HHAT: variants seen among roughly 807,000 people sequenced by gnomAD.
HHAT encodes hedgehog acyltransferase, also known as protein-cysteine N-palmitoyltransferase HHAT.
HHAT carries 47 observed loss-of-function variants against 70.8 expected under a neutral mutation model. That is an observed-to-expected ratio of 0.66 (90% CI 0.53 to 0.85). The LOEUF is 0.85. Ranked by LOEUF, HHAT falls within the 40% of genes least tolerant of loss-of-function variation. The pLI is 0.00. For synonymous variants in HHAT, 228 were observed against 247.6 expected (o/e 0.92, Z 0.74); for missense variants, 609 against 604.8 (o/e 1.01, Z -0.07).
intron 3 of HHAT, among the ~76,000 whole-genome samples, chr1:210,385,280 G>GTATTAA (rs2090963531): frequency 9.1e-6 from 1 of 109,632 alleles, no homozygotes; most frequent in African/African-American, 3.6e-5. Flanking sequence ...TTTTGAGTTT[G>GTATTAA]TATTAAAAAA....
At chr1:210,655,644 C>T (rs559854619) in intron 11 of HHAT, among the ~76,000 whole-genome samples, 3 of 152,184 alleles carry the variant, frequency 2.0e-5, no homozygotes, top group Non-Finnish European at 2.9e-5. Context: ...CTGTAAGGCA[C>T]AAAAACGTCT....
chr1:210,475,067 C>T (rs561160940), intron 8 of HHAT, among the ~76,000 whole-genome samples: 113 of 151,786 alleles, frequency 7.4e-4, no homozygotes, highest in Middle Eastern at 3.4e-3. Context: ...CGCTATGCTG[C>T]CCACACTGGT....
chr1:210,509,552 G>C (rs973528998), intron 8 of HHAT, among the ~76,000 whole-genome samples: 4 of 152,150 alleles, frequency 2.6e-5, no homozygotes, highest in Admixed American at 6.5e-5. Context: ...TTCTTCCTCT[G>C]TGGTGCAGAT....
At chr1:210,455,329 TCA>T (rs887017247) in intron 7 of HHAT, among the ~76,000 whole-genome samples, 1 of 152,240 alleles carries the variant, frequency 6.6e-6, no homozygotes, top group Non-Finnish European at 1.5e-5. Context: ...CTGGAGTTGC[TCA>T]CCACAACACA....
chr1:210,420,772 T>C (rs1222083250), intron 7 of HHAT, among the ~76,000 whole-genome samples: 1 of 152,148 alleles, frequency 6.6e-6, no homozygotes, highest in African/African-American at 2.4e-5. Flanking sequence ...AGCCATACTT[T>C]ACCTTGAACC....
chr1:210,544,342 T>C (rs1289304802), intron 9 of HHAT, among the ~76,000 whole-genome samples: 1 of 151,374 alleles, frequency 6.6e-6, no homozygotes, highest in East Asian at 1.9e-4. Context: ...GGGTGTTTTG[T>C]TTTTTTCTTT....
At chr1:210,606,259 AT>A (rs143314769) in intron 10 of HHAT, among the ~76,000 whole-genome samples, 25 of 151,178 alleles carry the variant, frequency 1.7e-4, no homozygotes, top group Non-Finnish European at 2.5e-4. Flanking sequence ...TAATAACTTC[AT>A]TTTTTTTTGT....
rs60604729 is a variant in HHAT, at chr1:210,483,831, A to C, written c.1007+19176A>C. On this transcript the variant is annotated intron_variant, in intron 8 of 11. Coordinates refer to ENST00000261458, the MANE Select transcript of HHAT (RefSeq NM_018194.6). ...AAGACCCATCAACCAAGGTAGAATA[A>C]TATAAGTATAAATACATTTCTGTAC... is the stretch of plus-strand genomic sequence containing the variant. Among the ~76,000 whole-genome samples, 997 of 152,324 alleles carry C rather than the reference A, an allele frequency of 6.5e-3. 10 individuals are homozygous for C. The highest frequency in any genetic ancestry group is 0.023 in the African/African-American group (938 of 41,574).
chr1:210,617,833 G>A (rs1322125495), intron 10 of HHAT, among the ~76,000 whole-genome samples: 1 of 152,220 alleles, frequency 6.6e-6, no homozygotes, highest in Non-Finnish European at 1.5e-5. Context: ...ACCTGATGTT[G>A]TTTGAAGCTC....
chr1:210,603,188 C>G (rs979454604), intron 10 of HHAT, among the ~76,000 whole-genome samples: 2 of 152,190 alleles, frequency 1.3e-5, no homozygotes, highest in African/African-American at 2.4e-5. Flanking sequence ...TCATGGCATT[C>G]TTATACCTTC....
chr1:210,577,005 T>G (rs79359102), intron 9 of HHAT, among the ~76,000 whole-genome samples: 3,292 of 152,260 alleles, frequency 0.022, 124 homozygotes, highest in African/African-American at 0.073. Context: ...TCATTTATTG[T>G]TTACAGGAAA....
At position 210,362,934 on chromosome 1, in the gene HHAT, C is replaced by A. The variant is rs11119469; in HGVS notation, c.159+15C>A. Reference sequence around the variant, plus strand: ...GATTAAAGAAGGTACAAAGTGGATGCATAATAAATCTCAGTTTTCAAACCT... The same window carrying A: ...GATTAAAGAAGGTACAAAGTGGATGAATAATAAATCTCAGTTTTCAAACCT... On this transcript the variant is annotated intron_variant, in intron 3 of 11. Transcript: ENST00000261458. 206,753 of 1,566,260 alleles carry A rather than the reference C, an allele frequency of 0.13. 14,971 individuals carry two copies. The highest frequency in any genetic ancestry group is 0.15 in the Middle Eastern group (891 of 5,986).
intron 1 of HHAT, among the ~76,000 whole-genome samples, chr1:210,338,482 C>A (rs1427630424): frequency 1.3e-5 from 2 of 152,082 alleles, no homozygotes; most frequent in African/African-American, 4.8e-5. Flanking sequence ...AATAAAAAAG[C>A]CTTTTTAAGC....
rs189672067 is a variant in HHAT, at chr1:210,665,519, C to G, written c.1391-8769C>G. ...GCTGTTCAGCCCTCAGAACTGGGAA[C>G]CAGAAAGTTGATGACTGCACAGTGG... On this transcript the variant is annotated intron_variant, in intron 11 of 11. Transcript: ENST00000261458. 4.6e-5 allele frequency among the ~76,000 whole-genome samples: 7 copies of G among 152,260 alleles called. No homozygotes were observed. The East Asian group carries it at 1.2e-3, about 25-fold the overall frequency.
At chr1:210,452,323 T>C (rs945570052) in intron 7 of HHAT, among the ~76,000 whole-genome samples, 6 of 152,226 alleles carry the variant, frequency 3.9e-5, no homozygotes, top group East Asian at 1.9e-4. Flanking sequence ...ATGCATTCAA[T>C]TGGTAGTGAG....
chr1:210,528,001 T>C (rs982373662), intron 9 of HHAT, among the ~76,000 whole-genome samples: 1 of 152,212 alleles, frequency 6.6e-6, no homozygotes, highest in Non-Finnish European at 1.5e-5. Context: ...TTTTAGCATC[T>C]ACCATGGGCA....
chr1:210,633,111 G>A (rs967141210), intron 11 of HHAT, among the ~76,000 whole-genome samples: 2 of 152,220 alleles, frequency 1.3e-5, no homozygotes, highest in Non-Finnish European at 2.9e-5. Flanking sequence ...ATTTGGTTCT[G>A]GCTGCCCTAG....
chr1:210,573,506 G>A (rs528043398), intron 9 of HHAT, among the ~76,000 whole-genome samples: 12 of 152,274 alleles, frequency 7.9e-5, no homozygotes, highest in African/African-American at 2.2e-4. Flanking sequence ...ATACTGACAG[G>A]CCCAGCCATG....
chr1:210,404,697 T>C lies in HHAT; in HGVS notation c.684+18T>C. On this transcript the variant is annotated intron_variant, in intron 6 of 11. Transcript: ENST00000261458. The stretch of plus-strand genomic sequence containing the variant: ...TCAAACAGGTAGAGCCCGCTGGGGA[T>C]GGGATTGGGATTCTATAGCTTAAGC... 1 of 1,587,410 alleles carries C rather than the reference T, an allele frequency of 6.3e-7. No homozygotes were observed. The highest frequency in any genetic ancestry group is 8.6e-7 in the Non-Finnish European group (1 of 1,156,794).
Sources: gnomAD v4.1 joint callset for allele counts (sites outside exome capture counted in the v4.1 genomes callset) on GRCh38, gnomAD v4.1.1 for gene constraint, MANE v1.5 for transcripts, NCBI Gene and HGNC (gene_info 2026-07-23, HGNC 2026-07-21) for gene names.